Variants in BRD1 observed in about 807,000 individuals in gnomAD.
BRD1 encodes bromodomain-containing protein 1.
In BRD1, 24 loss-of-function variants were observed where a neutral mutation model predicts 107.7. That is an observed-to-expected ratio of 0.22 (90% CI 0.16 to 0.31). BRD1 has a LOEUF of 0.31. Ranked by LOEUF, BRD1 falls within the 10% of genes least tolerant of loss-of-function variation. BRD1 has a pLI of 1.00. For synonymous variants in BRD1, 744 were observed against 686.1 expected (o/e 1.08, Z -1.32); for missense variants, 1,279 against 1,638.6 (o/e 0.78, Z 3.79).
intron 3 of BRD1, among the ~76,000 whole-genome samples, chr22:49,800,470 T>C (rs530731606): frequency 1.3e-5 from 2 of 152,248 alleles, no homozygotes; most frequent in African/African-American, 4.8e-5. Context: ...ATCTGAGTAT[T>C]GCCTGTCCCT....
At chr22:49,804,477 A>G in intron 2 of BRD1, 117 bp from the exon 3 acceptor site, 2 of 1,136,890 alleles carry the variant, frequency 1.8e-6, no homozygotes, top group Non-Finnish European at 1.2e-6. Context: ...TTTTCTCCCT[A>G]AGCCATGACA....
At chr22:49,780,428 C>G (rs1601609608) in intron 8 of BRD1, among the ~76,000 whole-genome samples, 1 of 152,252 alleles carries the variant, frequency 6.6e-6, no homozygotes, top group Non-Finnish European at 1.5e-5. Context: ...GTGGGCAGCA[C>G]AGACAAACCC....
intron 2 of BRD1, among the ~76,000 whole-genome samples, chr22:49,818,650 G>A (rs1200670080): frequency 6.6e-6 from 1 of 152,182 alleles, no homozygotes; most frequent in Non-Finnish European, 1.5e-5. Context: ...CACTTTGGGA[G>A]GCAGAGGCAG....
chr22:49,799,700 C>T (rs891113325), intron 3 of BRD1, among the ~76,000 whole-genome samples: 1 of 152,230 alleles, frequency 6.6e-6, no homozygotes, highest in South Asian at 2.1e-4. Context: ...AGCACCTGCT[C>T]CCTTCTCAGT....
At chr22:49,799,226 T>TG in intron 3 of BRD1, 107 bp from the exon 4 acceptor site, 1 of 1,445,684 alleles carries the variant, frequency 6.9e-7, no homozygotes, top group East Asian at 2.3e-5. Flanking sequence ...TCAGGGGTCC[T>TG]GCAGGCCCAT....
At chr22:49,796,669 C>CT (rs1458164478) in intron 6 of BRD1, among the ~76,000 whole-genome samples, 1 of 152,226 alleles carries the variant, frequency 6.6e-6, no homozygotes, top group Non-Finnish European at 1.5e-5. Flanking sequence ...TATCCCCAGT[C>CT]TTTAAAAGAG....
rs761588766 is a variant in BRD1 at position 49,777,714 on chromosome 22, C to G, written c.2957G>C (p.Ser986Thr). The G allele has an allele frequency of 7.5e-6, 12 of 1,608,218 alleles. No homozygotes were observed. The highest frequency in any genetic ancestry group is 1.7e-5 in the Admixed American group (1 of 59,548). Residue 986 changes from serine (S) to threonine (T), a missense_variant, in exon 9 of 13, where the codon AGC becomes ACC. By Grantham distance (58) the Ser-to-Thr change is moderately conservative. Coordinates refer to ENST00000404760, the MANE Select transcript of BRD1 (RefSeq NM_001304808.3). ...TPRRRCASES[S>T]ISSSNSPLCD... Reference sequence around the variant, plus strand: ...GAGCGGGCTGTTGCTGGAGGAGATGCTGGACTCGGAGGCACAGCGTCGTCG... The same window carrying G: ...GAGCGGGCTGTTGCTGGAGGAGATGGTGGACTCGGAGGCACAGCGTCGTCG...
At chr22:49,793,847 T>C (rs2059479032) in intron 7 of BRD1, among the ~76,000 whole-genome samples, 187 bp downstream of exon 7, 2 of 152,248 alleles carry the variant, frequency 1.3e-5, no homozygotes, top group Admixed American at 1.3e-4. Context: ...TAACGTCTCC[T>C]TAAAAGGAAA....
rs1601758240 is a variant in BRD1, at chr22:49,824,924, G to A, written c.-14-593C>T. The A allele has an allele frequency of 6.7e-6, 4 of 599,476 alleles. 1 individual carries two copies. Among genetic ancestry groups the A allele is most frequent in the East Asian group, 2.6e-4 (2 of 7,638 alleles). 37.1% of individuals were successfully genotyped at this position (599,476 alleles called of 1,614,324 possible). A position where few individuals can be genotyped will look rare whatever the true frequency, so the allele number is the denominator to read the frequency against. On this transcript the variant is annotated intron_variant, in intron 1 of 12. Coordinates refer to ENST00000404760, the MANE Select transcript of BRD1 (RefSeq NM_001304808.3). The surrounding 1 kb of genome is among the most constrained non-coding windows in gnomAD (Gnocchi z 5.9). Reference sequence around the variant, plus strand: ...GGCCAGGGGTAGGAGACAGATCACAGCCTGTCCATCCTCTATAGACAGGCC... The same window carrying A: ...GGCCAGGGGTAGGAGACAGATCACAACCTGTCCATCCTCTATAGACAGGCC...
chr22:49,810,005 A>G (rs1043163341), intron 2 of BRD1, among the ~76,000 whole-genome samples: 5 of 152,268 alleles, frequency 3.3e-5, no homozygotes, highest in Admixed American at 1.3e-4. Context: ...TAAAAAATGT[A>G]TAACCTATTG....
Position 49,822,979 on chromosome 22 carries a change from C to A in BRD1, c.1339G>T (p.Val447Leu). 6.2e-7 allele frequency: 1 copy of A among 1,614,190 alleles called. No homozygotes were observed. Among genetic ancestry groups the A allele is most frequent in the Non-Finnish European group, 8.5e-7 (1 of 1,180,046 alleles). Reference sequence around the variant, plus strand: ...TGCGGGGGAATATAAGGAGCGCACACGGTCGGCAGGACCGCGCAGGGCTCA... The same window carrying A: ...TGCGGGGGAATATAAGGAGCGCACAAGGTCGGCAGGACCGCGCAGGGCTCA... The part of the protein sequence containing the change: ...LAEPCAVLPT[V>L]CAPYIPPQRL... The change falls in exon 2 of 13, where the codon GTG (valine) becomes TTG (leucine). Residue 447 changes from valine (V) to leucine (L), a missense_variant. Coordinates refer to ENST00000404760, the MANE Select transcript of BRD1 (RefSeq NM_001304808.3).
chr22:49,814,976 G>A (rs2147310697), intron 2 of BRD1, among the ~76,000 whole-genome samples: 2 of 152,310 alleles, frequency 1.3e-5, no homozygotes, highest in East Asian at 3.9e-4. Flanking sequence ...GAGGAACGTT[G>A]CCCCACAAAG....
At chr22:49,816,012 G>A (rs1357396127) in intron 2 of BRD1, among the ~76,000 whole-genome samples, 1 of 151,288 alleles carries the variant, frequency 6.6e-6, no homozygotes, top group East Asian at 2.0e-4. Flanking sequence ...ACCCACACAG[G>A]GCCTCCCGGT....
rs1601655619 is a variant in BRD1, at chr22:49,794,302, A to G, written c.2099-8T>C. 1 of 1,603,588 alleles carries G rather than the reference A, an allele frequency of 6.2e-7. No individual in the cohort carries two copies. Among genetic ancestry groups the G allele is most frequent in the Non-Finnish European group, 8.5e-7 (1 of 1,173,436 alleles). ...GGTCCAGCAACCTGTCCACTGAACCAAAGGACACATGCTGTCAGTCATCAG... is the reference window on the plus strand; with the variant it reads ...GGTCCAGCAACCTGTCCACTGAACCGAAGGACACATGCTGTCAGTCATCAG... On this transcript the variant is annotated splice_polypyrimidine_tract_variant and splice_region_variant and intron_variant, in intron 6 of 12. Coordinates refer to ENST00000404760, the MANE Select transcript of BRD1 (RefSeq NM_001304808.3).
rs368460918 is a variant in BRD1, at chr22:49,794,076, C to G, written c.2317G>C (p.Glu773Gln). 2 of 1,614,154 alleles carry G rather than the reference C, an allele frequency of 1.2e-6. No homozygotes were observed. The highest frequency in any genetic ancestry group is 2.7e-5 in the African/African-American group (2 of 75,080). The change falls in exon 7 of 13, where the codon GAA becomes CAA. Residue 773 changes from glutamate (E) to glutamine (Q), a missense_variant. Glu to Gln is a conservative substitution (Grantham distance 29). Coordinates refer to ENST00000404760, the MANE Select transcript of BRD1 (RefSeq NM_001304808.3). The part of the protein sequence containing the change: ...LPTGPGLEGF[E>Q]EDGAALGPEA... ...GGCCCCAGCGCAGCTCCGTCCTCTTCGAAGCCTTCCAAGCCTGGCCCCGTG... is the reference window on the plus strand; with the variant it reads ...GGCCCCAGCGCAGCTCCGTCCTCTTGGAAGCCTTCCAAGCCTGGCCCCGTG...
intron 2 of BRD1, chr22:49,820,791 G>A (rs2060050949): frequency 6.6e-6 from 1 of 152,254 alleles, no homozygotes; most frequent in Admixed American, 6.5e-5. Context: ...GTACTGTATT[G>A]AGAGCCTGCC....
rs2059583501 is a variant in BRD1, at chr22:49,798,705, G to A, written c.1657-19C>T. ...CCTTCACCTGGGGGGGCCCAGCAGA[G>A]CCTCAGCTTTAGGGAGCCGCACATG... On this transcript the variant is annotated intron_variant, in intron 4 of 12. Transcript: ENST00000404760. 8.2e-6 allele frequency: 13 copies of A among 1,579,266 alleles called. No individual in the cohort carries two copies. Among genetic ancestry groups the A allele is most frequent in the Admixed American group, 1.8e-5 (1 of 55,750 alleles).
At chr22:49,814,172 A>G (rs541162682) in intron 2 of BRD1, among the ~76,000 whole-genome samples, 182 of 152,336 alleles carry the variant, frequency 1.2e-3, no homozygotes, top group Non-Finnish European at 1.6e-3. Context: ...GCTCTCTCCA[A>G]AGATTTCCAA....
At chr22:49,791,849 C>A (rs1401433550) in intron 7 of BRD1, among the ~76,000 whole-genome samples, 1 of 152,172 alleles carries the variant, frequency 6.6e-6, no homozygotes, top group African/African-American at 2.4e-5. Context: ...ACAGGAAACG[C>A]CCTTTTCATC....
Sources: allele counts gnomAD v4.1 joint callset (sites outside exome capture counted in the v4.1 genomes callset), GRCh38; gene constraint gnomAD v4.1.1; non-coding constraint Gnocchi (gnomAD v3.1); transcripts MANE v1.5; gene names NCBI Gene and HGNC (gene_info 2026-07-23, HGNC 2026-07-21).